MTUS2: variants seen among roughly 807,000 people sequenced by gnomAD.
MTUS2 encodes the protein microtubule associated scaffold protein 2.
A neutral mutation model predicts 114.1 loss-of-function variants in MTUS2; 40 were observed. The observed-to-expected ratio is 0.35, with a 90% CI of 0.27 to 0.46. The LOEUF is 0.46. MTUS2 is among the 20% of genes least tolerant of loss of function. The pLI is 1.00. For missense variants in MTUS2, 1,679 were observed against 1,705.4 expected (o/e 0.98, Z 0.27); for synonymous variants, 688 against 672.0 (o/e 1.02, Z -0.37).
At chr13:28,927,685 A>G (rs886509794) in intron 2 of MTUS2, among the ~76,000 whole-genome samples, 2 of 152,242 alleles carry the variant, frequency 1.3e-5, no homozygotes, top group African/African-American at 4.8e-5. Flanking sequence ...ATTTCAATTG[A>G]TGTTATACAC....
chr13:29,304,952 A>G (rs1422820352), intron 6 of MTUS2, among the ~76,000 whole-genome samples: 1 of 152,186 alleles, frequency 6.6e-6, no homozygotes, highest in Non-Finnish European at 1.5e-5. Flanking sequence ...AGACTACAGC[A>G]CAATCAAACT....
intron 8 of MTUS2, among the ~76,000 whole-genome samples, chr13:29,422,539 C>T (rs1876187913): frequency 6.6e-6 from 1 of 151,826 alleles, no homozygotes. Context: ...TTTGTTGCTA[C>T]TTCAATGCAA....
At chr13:29,194,987 T>C (rs1267807124) in intron 5 of MTUS2, among the ~76,000 whole-genome samples, 1 of 148,192 alleles carries the variant, frequency 6.7e-6, no homozygotes, top group Non-Finnish European at 1.5e-5. Context: ...CAGTAAACTA[T>C]CGCAAGAACA....
chr13:28,982,550 C>T (rs1400920667), intron 2 of MTUS2, among the ~76,000 whole-genome samples: 2 of 152,012 alleles, frequency 1.3e-5, no homozygotes, highest in African/African-American at 2.4e-5. Flanking sequence ...AAGCAGGGAC[C>T]GAAACAGGTA....
chr13:29,395,069 T>C (rs1045889641), intron 8 of MTUS2, among the ~76,000 whole-genome samples: 4 of 152,210 alleles, frequency 2.6e-5, no homozygotes, highest in Admixed American at 6.5e-5. Flanking sequence ...CAAAGAAATA[T>C]ATTTTGGGAT....
intron 7 of MTUS2, among the ~76,000 whole-genome samples, chr13:29,345,684 A>G (rs1021992368): frequency 3.9e-5 from 6 of 151,968 alleles, no homozygotes; most frequent in African/African-American, 1.2e-4. Context: ...GTTTGGCTCA[A>G]TTGCTAGTGA....
At chr13:28,865,916 A>G (rs910065478) in intron 2 of MTUS2, among the ~76,000 whole-genome samples, 4 of 152,236 alleles carry the variant, frequency 2.6e-5, no homozygotes, top group African/African-American at 9.6e-5. Flanking sequence ...GGAAAACAAT[A>G]CTAGAATCAA....
chr13:29,158,347 C>T (rs1180293462), intron 5 of MTUS2, among the ~76,000 whole-genome samples: 1 of 120,734 alleles, frequency 8.3e-6, no homozygotes, highest in African/African-American at 3.4e-5. Flanking sequence ...CCCCAACCCC[C>T]GTCCACCCCG....
At chr13:29,107,103 A>G (rs935263998) in intron 5 of MTUS2, among the ~76,000 whole-genome samples, 1 of 152,020 alleles carries the variant, frequency 6.6e-6, no homozygotes, top group South Asian at 2.1e-4. Flanking sequence ...TGCAGATTCT[A>G]TCACTTTTAG....
Position 29,324,703 on chromosome 13 carries a change from A to G in MTUS2, c.2897A>G (p.His966Arg). 5 of 1,596,034 alleles carry G rather than the reference A, an allele frequency of 3.1e-6. No homozygotes were observed. The highest frequency in any genetic ancestry group is 4.3e-6 in the Non-Finnish European group (5 of 1,170,292). ...KRVAASTTKL[H>R]SPGYPKQRTA... is the part of the protein sequence containing the mutation. ...GTAGCAGCTTCAACCACCAAGCTTC[A>G]TTCACCAGGTATGTAAGAAATATGA... The change falls in exon 7 of 16, where the codon CAT (histidine) becomes CGT (arginine). Residue 966 changes from histidine to arginine, a missense_variant. Transcript: ENST00000612955.
chr13:29,347,135 T>C (rs1044818303), intron 7 of MTUS2, among the ~76,000 whole-genome samples: 7 of 152,136 alleles, frequency 4.6e-5, no homozygotes, highest in Non-Finnish European at 1.0e-4. Context: ...CACAAGCTGC[T>C]CTGTCCATCT....
rs553554373 is a variant in MTUS2 at position 28,933,980 on chromosome 13, T to C, written c.-242-90477T>C. ...TCAATTTGAACTAATGAAATGGGAA[T>C]GTATGGATATAAATTTTAATTGCAA... is the stretch of plus-strand genomic sequence containing the variant. On this transcript the variant is annotated intron_variant, in intron 2 of 15. Coordinates refer to ENST00000612955, the MANE Select transcript of MTUS2 (RefSeq NM_001033602.4). Among the ~76,000 whole-genome samples, 6 of 152,360 alleles carry C rather than the reference T, an allele frequency of 3.9e-5. No individual in the cohort carries two copies. In the South Asian group the frequency reaches 1.2e-3, roughly 32 times the overall value.
intron 8 of MTUS2, among the ~76,000 whole-genome samples, chr13:29,383,808 A>C (rs1209476717): frequency 6.6e-6 from 1 of 152,234 alleles, no homozygotes. Context: ...CTGGAGATGC[A>C]GCATCTTCCA....
intron 2 of MTUS2, among the ~76,000 whole-genome samples, chr13:28,956,892 G>A (rs973816738): frequency 3.3e-5 from 5 of 151,476 alleles, no homozygotes; most frequent in Admixed American, 1.3e-4. Flanking sequence ...GTGTGATGGC[G>A]ACAGAGGGAA....
intron 2 of MTUS2, among the ~76,000 whole-genome samples, chr13:28,904,441 G>A (rs1879852779): frequency 6.6e-6 from 1 of 152,168 alleles, no homozygotes; most frequent in South Asian, 2.1e-4. Context: ...TAAGGTGTAA[G>A]GAAGGGATCC....
In MTUS2 at chr13:28,820,471, A is replaced by G. The variant is rs964647907; in HGVS notation, c.-456A>G. 1 of 152,290 alleles carries G rather than the reference A, an allele frequency of 6.6e-6. No individual in the cohort carries two copies. The highest frequency in any genetic ancestry group is 2.4e-5 in the African/African-American group (1 of 41,456). The allele number at this position is 152,290 out of a possible 1,614,324, so 9.4% of individuals were successfully genotyped here. On this transcript the variant is annotated 5_prime_UTR_variant, in exon 1 of 16. Coordinates refer to ENST00000612955, the MANE Select transcript of MTUS2 (RefSeq NM_001033602.4). Reference sequence around the variant, plus strand: ...GAAACCCTTGACCGCTTAGCGGAGTACAGACCTGTCGGTAAATAGAAAACT... The same window carrying G: ...GAAACCCTTGACCGCTTAGCGGAGTGCAGACCTGTCGGTAAATAGAAAACT...
At chr13:29,058,479 T>C (rs1290570239) in intron 4 of MTUS2, among the ~76,000 whole-genome samples, 1 of 151,768 alleles carries the variant, frequency 6.6e-6, no homozygotes, top group African/African-American at 2.4e-5. Context: ...TCATTCTTCT[T>C]TATTGTTTTC....
At chr13:29,343,554 G>T in intron 7 of MTUS2, among the ~76,000 whole-genome samples, 1 of 151,394 alleles carries the variant, frequency 6.6e-6, no homozygotes, top group Non-Finnish European at 1.5e-5. Flanking sequence ...TTCTTTTCTT[G>T]GTTCATCTTG....
chr13:28,951,464 T>G (rs951208013), intron 2 of MTUS2, among the ~76,000 whole-genome samples: 1 of 152,148 alleles, frequency 6.6e-6, no homozygotes, highest in Non-Finnish European at 1.5e-5. Context: ...AGTTTCCTTC[T>G]CCTCCTAGTT....
Sources: gnomAD v4.1 joint callset for allele counts (sites outside exome capture counted in the v4.1 genomes callset) on GRCh38, gnomAD v4.1.1 for gene constraint, MANE v1.5 for transcripts, NCBI Gene and HGNC (gene_info 2026-07-23, HGNC 2026-07-21) for gene names.